EPHA7: variants seen among roughly 807,000 people sequenced by gnomAD.
The protein encoded by EPHA7 is EPH receptor A7.
Under a neutral mutation model 112.6 loss-of-function variants are expected in EPHA7, and 25 were observed. The ratio of observed to expected loss-of-function variants is 0.22; its 90% CI spans 0.16 to 0.31. The LOEUF (loss-of-function observed/expected upper bound fraction) is 0.31. Among genes scored for constraint, EPHA7 ranks in the 10% least tolerant of loss-of-function variants. The pLI, the probability that EPHA7 is intolerant of heterozygous loss-of-function variation, is 1.00. For synonymous variants in EPHA7, 437 were observed against 406.5 expected, an observed-to-expected ratio of 1.07 and a Z score of -0.90; for missense variants, 962 against 1,212.6, an observed-to-expected ratio of 0.79 and a Z score of 3.07.
rs1469665299 is a variant in EPHA7 at position 93,410,957 on chromosome 6, A to G, written c.376T>C (p.Tyr126His). Reference sequence around the variant, plus strand: ...GTGTCATAGTCTGTTTCATAATAGTACAAATTAAATGTTTCCTTGCAAGTT... The same window carrying G: ...GTGTCATAGTCTGTTTCATAATAGTGCAAATTAAATGTTTCCTTGCAAGTT... The part of the protein sequence containing the change: ...LGTCKETFNL[Y>H]YYETDYDTGR... Residue 126 changes from tyrosine (Y) to histidine (H), a missense_variant, in exon 3 of 17, where the codon TAC (tyrosine) becomes CAC (histidine). By Grantham distance (83) the Tyr-to-His change is moderately conservative. Transcript: ENST00000369303. The surrounding 1 kb of genome is among the most constrained non-coding windows in gnomAD (Gnocchi z 4.0). 1 of 1,613,914 alleles carries G rather than the reference A, an allele frequency of 6.2e-7. No individual in the cohort carries two copies. Among genetic ancestry groups the G allele is most frequent in the African/African-American group, 1.3e-5 (1 of 74,914 alleles).
chr6:93,411,304 G>C, intron 2 of EPHA7, 134 bp from the exon 3 acceptor site: 3 of 678,242 alleles, frequency 4.4e-6, no homozygotes, highest in Non-Finnish European at 7.5e-6. Context: ...CTATAAACCA[G>C]AGAATGTAAG....
At chr6:93,393,914 T>G (rs11964679) in intron 3 of EPHA7, among the ~76,000 whole-genome samples, 3 of 151,836 alleles carry the variant, frequency 2.0e-5, no homozygotes, top group Admixed American at 6.6e-5. Context: ...CACAGCAAAT[T>G]GTATCTGTAC....
intron 3 of EPHA7, among the ~76,000 whole-genome samples, chr6:93,403,932 A>T (rs1778559292): frequency 6.6e-6 from 1 of 152,042 alleles, no homozygotes. Context: ...ATAATTGTTA[A>T]TTTTTTTCTT....
At chr6:93,357,889 G>C (rs1360887312) in intron 4 of EPHA7, among the ~76,000 whole-genome samples, 1 of 151,960 alleles carries the variant, frequency 6.6e-6, no homozygotes, top group Admixed American at 6.6e-5. Context: ...CCTGACCTCA[G>C]GTGATTATGA....
chr6:93,389,998 A>T (rs926349693), intron 3 of EPHA7, among the ~76,000 whole-genome samples: 1 of 151,968 alleles, frequency 6.6e-6, no homozygotes, highest in African/African-American at 2.4e-5. Flanking sequence ...CCCAAGTATC[A>T]CTGAAATTTG....
chr6:93,287,005 T>C (rs1772098660), intron 5 of EPHA7, among the ~76,000 whole-genome samples: 3 of 152,350 alleles, frequency 2.0e-5, no homozygotes, highest in South Asian at 4.1e-4. Flanking sequence ...GAGAAATATT[T>C]ATTTGAAAAA....
chr6:93,242,622 T>C lies in EPHA7; in HGVS notation c.*804A>G, dbSNP rs991766043. ...GTTTATTAAATTCTTTCTAGTAAAA[T>C]CACTCTATAAACAATCTGTTAAAAG... On this transcript the variant is annotated 3_prime_UTR_variant, in exon 17 of 17. Transcript: ENST00000369303. 3 of 217,806 alleles carry C rather than the reference T, an allele frequency of 1.4e-5. No homozygotes were observed. Among genetic ancestry groups the C allele is most frequent in the African/African-American group, 6.7e-5 (3 of 44,564 alleles). The allele number at this position is 217,806 out of a possible 1,614,324, so 13.5% of individuals were successfully genotyped here. A position where few individuals can be genotyped will look rare whatever the true frequency, so the allele number is the denominator to read the frequency against.
chr6:93,293,905 C>T (rs1355740827), intron 5 of EPHA7, among the ~76,000 whole-genome samples: 1 of 152,112 alleles, frequency 6.6e-6, no homozygotes, highest in Non-Finnish European at 1.5e-5. Context: ...AAAACTGGCC[C>T]GCAGGTACTG....
At chr6:93,383,942 C>G (rs12529039) in intron 3 of EPHA7, among the ~76,000 whole-genome samples, 5 of 152,064 alleles carry the variant, frequency 3.3e-5, no homozygotes, top group Admixed American at 6.5e-5. Context: ...CCTGCCTCAG[C>G]CCCGCAAAGT....
At chr6:93,336,690 C>CA (rs1562105775) in intron 5 of EPHA7, among the ~76,000 whole-genome samples, 3 of 151,962 alleles carry the variant, frequency 2.0e-5, no homozygotes, top group Non-Finnish European at 4.4e-5. Flanking sequence ...CATGAGCCAC[C>CA]CTGCCCAGCT....
chr6:93,354,313 T>G (rs962727392), intron 5 of EPHA7, among the ~76,000 whole-genome samples: 1 of 152,024 alleles, frequency 6.6e-6, no homozygotes, highest in African/African-American at 2.4e-5. Context: ...ACATTCCAAA[T>G]TTTCTCTGTT....
In EPHA7 at chr6:93,240,207, A is replaced by G. The variant is rs1366363275; in HGVS notation, c.*3219T>C. 1 of 223,736 alleles carries G rather than the reference A, an allele frequency of 4.5e-6. No individual in the cohort carries two copies. Among genetic ancestry groups the G allele is most frequent in the Non-Finnish European group, 8.9e-6 (1 of 112,216 alleles). The allele number at this position is 223,736 out of a possible 1,614,324, so 13.9% of individuals were successfully genotyped here. A position where few individuals can be genotyped will look rare whatever the true frequency, so the allele number is the denominator to read the frequency against. The stretch of plus-strand genomic sequence containing the variant: ...CAAGGAGGGACAAATTCAACCAACG[A>G]AAAGCACATCTCGCCCCGAGTTCCC... On this transcript the variant is annotated 3_prime_UTR_variant, in exon 17 of 17. Transcript: ENST00000369303.
chr6:93,258,531 G>A (rs1019455430), intron 10 of EPHA7, among the ~76,000 whole-genome samples: 1 of 151,270 alleles, frequency 6.6e-6, no homozygotes, highest in Non-Finnish European at 1.5e-5. Context: ...ATTAAAACTT[G>A]AAGATACAGT....
intron 5 of EPHA7, among the ~76,000 whole-genome samples, chr6:93,347,646 C>A (rs536178702): frequency 6.6e-6 from 1 of 151,844 alleles, no homozygotes; most frequent in Admixed American, 6.6e-5. Flanking sequence ...AATTTGTTTT[C>A]TCACAGTTCT....
Position 93,340,444 on chromosome 6 carries a change from G to C in EPHA7, c.1324+16273C>G, listed in dbSNP as rs564678902. The stretch of plus-strand genomic sequence containing the variant: ...GATCTGAAAATTTAAAATCCAAAAT[G>C]CTCCAAAGTTAAAAAGAATTTTGAG... On this transcript the variant is annotated intron_variant, in intron 5 of 16. Transcript: ENST00000369303. 5.3e-5 allele frequency among the ~76,000 whole-genome samples: 8 copies of C among 151,880 alleles called. No individual in the cohort carries two copies. The East Asian group carries it at 1.5e-3, about 29-fold the overall frequency.
At chr6:93,374,579 T>G (rs547996703) in intron 3 of EPHA7, among the ~76,000 whole-genome samples, 7 of 152,230 alleles carry the variant, frequency 4.6e-5, no homozygotes, top group African/African-American at 1.7e-4. Flanking sequence ...CATTGTAATT[T>G]TATTTGCCAA....
At chr6:93,299,309 G>A (rs1029987086) in intron 5 of EPHA7, among the ~76,000 whole-genome samples, 1 of 150,818 alleles carries the variant, frequency 6.6e-6, no homozygotes, top group Non-Finnish European at 1.5e-5. Flanking sequence ...CTGGGCGACA[G>A]AGCGAGACTC....
At position 93,358,351 on chromosome 6, in the gene EPHA7, G is replaced by A; in HGVS notation, c.893C>T (p.Thr298Ile). The change falls in exon 4 of 17, where the codon ACT becomes ATT. Residue 298 changes from threonine to isoleucine, a missense_variant. Physicochemically the swap from Thr to Ile is moderately conservative, Grantham distance 89. Transcript: ENST00000369303. ...GCCTTCTTTATCAGAAAAACTGTGAGTTGGACAACGAGAGCACTGAAGATC... is the reference window on the plus strand; with the variant it reads ...GCCTTCTTTATCAGAAAAACTGTGAATTGGACAACGAGAGCACTGAAGATC... ...SQDLQCSRCP[T>I]HSFSDKEGSS... is the part of the protein sequence containing the mutation. The A allele has an allele frequency of 6.2e-7, 1 of 1,613,234 alleles. No individual in the cohort carries two copies.
At chr6:93,258,417 A>C in intron 10 of EPHA7, 133 bp from the exon 11 acceptor site, 1 of 974,768 alleles carries the variant, frequency 1.0e-6, no homozygotes, top group African/African-American at 1.7e-5. Flanking sequence ...ATTTTCAAAA[A>C]TACTTGGTAA....
Sources: gnomAD v4.1 joint callset for allele counts (sites outside exome capture counted in the v4.1 genomes callset) on GRCh38, gnomAD v4.1.1 for gene constraint, Gnocchi (gnomAD v3.1) non-coding constraint, MANE v1.5 for transcripts, NCBI Gene and HGNC (gene_info 2026-07-23, HGNC 2026-07-21) for gene names.